SPAG16: variants seen among roughly 807,000 people sequenced by gnomAD.
SPAG16 encodes sperm associated antigen 16, also known as sperm-associated antigen 16 protein.
In SPAG16, 86 loss-of-function variants were observed where a neutral mutation model predicts 80.4. That is an observed-to-expected ratio of 1.07 (90% CI 0.90 to 1.28). The LOEUF is 1.28. Ranked by LOEUF, SPAG16 falls within the 50% of genes most tolerant of loss-of-function variation. The probability of loss-of-function intolerance (pLI) is 0.00; values close to 1 mark genes in which losing one functional copy is unlikely to be tolerated. For synonymous variants in SPAG16, 294 were observed against 265.9 expected, an observed-to-expected ratio of 1.11 and a Z score of -1.03; for missense variants, 870 against 765.3, an observed-to-expected ratio of 1.14 and a Z score of -1.61.
chr2:213,786,475 A>G (rs919386873), intron 10 of SPAG16, among the ~76,000 whole-genome samples: 11 of 152,320 alleles, frequency 7.2e-5, no homozygotes, highest in African/African-American at 2.6e-4. Context: ...GCCATACAGA[A>G]ACTGTGAGGT....
At chr2:214,025,777 C>G (rs560600864) in intron 13 of SPAG16, among the ~76,000 whole-genome samples, 1 of 151,528 alleles carries the variant, frequency 6.6e-6, no homozygotes, top group South Asian at 2.1e-4. Flanking sequence ...TTAGTATACT[C>G]AGGCATTTCA....
At chr2:214,104,095 C>T (rs1399339947) in intron 13 of SPAG16, among the ~76,000 whole-genome samples, 1 of 152,144 alleles carries the variant, frequency 6.6e-6, no homozygotes, top group African/African-American at 2.4e-5. Flanking sequence ...GGTGAGATGT[C>T]CCTGTATCTC....
chr2:213,766,951 A>G lies in SPAG16; in HGVS notation c.1071-95534A>G, dbSNP rs537121525. The stretch of plus-strand genomic sequence containing the variant: ...TGCGAGGCCTGCCGGGTAAAACCTT[A>G]GGAATTACCCATGGTCAGGCCTGAA... On this transcript the variant is annotated intron_variant, in intron 10 of 15. Transcript: ENST00000331683. Among the ~76,000 whole-genome samples, 12 of 152,306 alleles carry G rather than the reference A, an allele frequency of 7.9e-5. No homozygotes were observed. The East Asian group carries it at 2.3e-3, about 29-fold the overall frequency.
chr2:214,404,110 ATTGT>A (rs1184621512), intron 15 of SPAG16, among the ~76,000 whole-genome samples: 2 of 152,190 alleles, frequency 1.3e-5, no homozygotes, highest in Non-Finnish European at 2.9e-5. Context: ...ATGAGGGCAA[ATTGT>A]TTGATGGAGA....
intron 10 of SPAG16, among the ~76,000 whole-genome samples, chr2:213,800,739 T>G (rs1398051763): frequency 6.6e-6 from 1 of 152,130 alleles, no homozygotes. Flanking sequence ...ATCCAAAAAT[T>G]TCTAAATCTC....
intron 15 of SPAG16, among the ~76,000 whole-genome samples, chr2:214,228,218 G>T (rs1046569612): frequency 6.6e-6 from 1 of 151,812 alleles, no homozygotes; most frequent in Non-Finnish European, 1.5e-5. Flanking sequence ...ATTCAAGTTT[G>T]TTAACTTTCT....
chr2:213,729,697 C>G (rs2066939666), intron 10 of SPAG16, among the ~76,000 whole-genome samples: 1 of 152,192 alleles, frequency 6.6e-6, no homozygotes, highest in Non-Finnish European at 1.5e-5. Flanking sequence ...CTAGGGACAA[C>G]TGTGCTGATG....
chr2:214,145,579 C>G (rs2055596894), intron 14 of SPAG16, among the ~76,000 whole-genome samples: 1 of 151,998 alleles, frequency 6.6e-6, no homozygotes, highest in South Asian at 2.1e-4. Flanking sequence ...TTATTAACTT[C>G]ATGTCTATAT....
chr2:213,860,832 G>A (rs2075423628), intron 10 of SPAG16, among the ~76,000 whole-genome samples: 1 of 152,112 alleles, frequency 6.6e-6, no homozygotes. Flanking sequence ...ATCTGGTCAA[G>A]GGTGCATGTG....
At chr2:213,992,310 G>A (rs181040163) in intron 12 of SPAG16, among the ~76,000 whole-genome samples, 48 of 152,126 alleles carry the variant, frequency 3.2e-4, no homozygotes, top group Non-Finnish European at 5.6e-4. Flanking sequence ...GAATTTCCTA[G>A]ACAGTACACC....
chr2:213,342,322 TATATGTGTATATATATATTAC>T (rs1412892087), intron 6 of SPAG16, among the ~76,000 whole-genome samples: 1 of 84,678 alleles, frequency 1.2e-5, no homozygotes, highest in East Asian at 5.9e-4. Context: ...ATATGTTACA[TATATGTGTATATATATATTAC>T]ATATATGTAT....
intron 10 of SPAG16, among the ~76,000 whole-genome samples, chr2:213,730,661 TCTC>T (rs2066989997): frequency 6.6e-6 from 1 of 152,172 alleles, no homozygotes; most frequent in Admixed American, 6.5e-5. Context: ...ATGATGTAGT[TCTC>T]CTACTTGGTG....
intron 10 of SPAG16, among the ~76,000 whole-genome samples, chr2:213,720,024 C>A (rs1574933535): frequency 6.6e-6 from 1 of 152,144 alleles, no homozygotes; most frequent in South Asian, 2.1e-4. Flanking sequence ...AGGATGAGTT[C>A]ATGTCCTTTG....
At chr2:213,346,476 G>T (rs2064997309) in intron 6 of SPAG16, among the ~76,000 whole-genome samples, 1 of 152,208 alleles carries the variant, frequency 6.6e-6, no homozygotes, top group Non-Finnish European at 1.5e-5. Context: ...CAAAGGGAAT[G>T]CTTCCAGTTT....
chr2:213,890,288 T>C (rs9288480), intron 11 of SPAG16, among the ~76,000 whole-genome samples: 52,106 of 151,922 alleles, frequency 0.34, 9,430 homozygotes, highest in South Asian at 0.47. Context: ...AGAGAAACCA[T>C]TGTGTTAAAT....
intron 10 of SPAG16, among the ~76,000 whole-genome samples, chr2:213,520,024 C>T (rs1214630725): frequency 4.6e-5 from 7 of 150,832 alleles, no homozygotes; most frequent in East Asian, 1.9e-4. Flanking sequence ...TATGCATGTG[C>T]GTGCACACAC....
At chr2:213,634,054 C>T (rs1431635347) in intron 10 of SPAG16, among the ~76,000 whole-genome samples, 1 of 152,056 alleles carries the variant, frequency 6.6e-6, no homozygotes, top group Non-Finnish European at 1.5e-5. Flanking sequence ...GGAATTACTT[C>T]TGCCATTTTG....
At chr2:213,658,777 G>A (rs1399539802) in intron 10 of SPAG16, among the ~76,000 whole-genome samples, 1 of 152,272 alleles carries the variant, frequency 6.6e-6, no homozygotes, top group Non-Finnish European at 1.5e-5. Flanking sequence ...TGTGGCTCAC[G>A]CTTGTAATTC....
intron 14 of SPAG16, among the ~76,000 whole-genome samples, chr2:214,121,950 C>T (rs1189218724): frequency 6.6e-6 from 1 of 151,724 alleles, no homozygotes; most frequent in Non-Finnish European, 1.5e-5. Context: ...AAATCTCAAA[C>T]ATTTCTATTC....
Sources: allele counts gnomAD v4.1 joint callset (sites outside exome capture counted in the v4.1 genomes callset), GRCh38; gene constraint gnomAD v4.1.1; transcripts MANE v1.5; gene names NCBI Gene and HGNC (gene_info 2026-07-23, HGNC 2026-07-21).